SFMBT2: variants seen among roughly 807,000 people sequenced by gnomAD.
SFMBT2 encodes scm-like with four MBT domains protein 2.
A neutral mutation model predicts 110.1 loss-of-function variants in SFMBT2; 38 were observed. The observed-to-expected ratio is 0.35, with a 90% CI of 0.27 to 0.45. The LOEUF (loss-of-function observed/expected upper bound fraction) is 0.45. Among genes scored for constraint, SFMBT2 ranks in the 20% least tolerant of loss-of-function variants. The probability of loss-of-function intolerance (pLI) is 1.00; values close to 1 mark genes in which losing one functional copy is unlikely to be tolerated. For missense variants in SFMBT2, 1,011 were observed against 1,094.9 expected (o/e 0.92, Z 1.08); for synonymous variants, 425 against 425.4 (o/e 1.00, Z 0.01).
intron 1 of SFMBT2, among the ~76,000 whole-genome samples, chr10:7,404,579 A>T (rs1027790065): frequency 6.6e-6 from 1 of 152,240 alleles, no homozygotes; most frequent in Non-Finnish European, 1.5e-5. Context: ...AATGCTTAGG[A>T]AGCCCTGGAT....
chr10:7,342,394 G>GTTTTTTTT (rs1411169372), intron 4 of SFMBT2, among the ~76,000 whole-genome samples: 7 of 90,940 alleles, frequency 7.7e-5, no homozygotes, highest in Admixed American at 1.3e-4. Context: ...ACTGGAGTGA[G>GTTTTTTTT]TCTTTTTTTT....
chr10:7,370,006 G>A (rs539674329), intron 3 of SFMBT2, among the ~76,000 whole-genome samples: 3 of 152,156 alleles, frequency 2.0e-5, no homozygotes, highest in Admixed American at 6.5e-5. Flanking sequence ...GACTACAGGC[G>A]TGCACCACCA....
At chr10:7,292,870 G>C (rs1236761214) in intron 4 of SFMBT2, among the ~76,000 whole-genome samples, 1 of 152,050 alleles carries the variant, frequency 6.6e-6, no homozygotes, top group Non-Finnish European at 1.5e-5. Context: ...GCAGGTGCCT[G>C]TAGTACCAGC....
chr10:7,228,891 G>GA (rs1338199213), intron 9 of SFMBT2, among the ~76,000 whole-genome samples: 42 of 151,868 alleles, frequency 2.8e-4, no homozygotes, highest in African/African-American at 1.0e-3. Flanking sequence ...CGAGGTGAGA[G>GA]AAAAGAGGAC....
At chr10:7,329,417 G>GAGGGA in intron 4 of SFMBT2, 1 of 984,112 alleles carries the variant, frequency 1.0e-6, no homozygotes, top group Non-Finnish European at 1.2e-6. Context: ...CAGCACGGGT[G>GAGGGA]CTAAAGACAT....
chr10:7,164,791 A>ACACC (rs773552968), intron 20 of SFMBT2, among the ~76,000 whole-genome samples: 2,378 of 110,488 alleles, frequency 0.022, 78 homozygotes, highest in Middle Eastern at 0.045. Flanking sequence ...ACACACACAC[A>ACACC]CCATTTACAG....
intron 4 of SFMBT2, among the ~76,000 whole-genome samples, chr10:7,312,382 A>G (rs1001017223): frequency 3.9e-5 from 6 of 152,232 alleles, no homozygotes; most frequent in African/African-American, 1.4e-4. Flanking sequence ...TGATGAGTCC[A>G]GCAGACCATT....
intron 6 of SFMBT2, among the ~76,000 whole-genome samples, chr10:7,281,544 C>T (rs558300856): frequency 3.9e-5 from 6 of 152,266 alleles, no homozygotes; most frequent in African/African-American, 1.2e-4. Context: ...GGTGCTACCA[C>T]GTAAGTCACA....
At chr10:7,203,581 G>A in intron 12 of SFMBT2, 1 of 562,432 alleles carries the variant, frequency 1.8e-6, no homozygotes, top group Non-Finnish European at 2.3e-6. Flanking sequence ...GAAGAGGGGA[G>A]GAAGAGGATC....
At chr10:7,336,252 C>A (rs7909858) in intron 4 of SFMBT2, among the ~76,000 whole-genome samples, 63,249 of 152,006 alleles carry the variant, frequency 0.42, 14,317 homozygotes, top group African/African-American at 0.61. Flanking sequence ...CTAGGATTCT[C>A]TCTGGATACA....
intron 4 of SFMBT2, among the ~76,000 whole-genome samples, chr10:7,340,981 T>G (rs1843883828): frequency 6.6e-6 from 1 of 152,134 alleles, no homozygotes; most frequent in Admixed American, 6.5e-5. Flanking sequence ...CCAGGAGCAC[T>G]CTATAGAACC....
intron 4 of SFMBT2, among the ~76,000 whole-genome samples, chr10:7,335,763 CA>C (rs1168575397): frequency 6.6e-6 from 1 of 152,148 alleles, no homozygotes; most frequent in Non-Finnish European, 1.5e-5. Flanking sequence ...GTATCTCAGG[CA>C]AAAGACACTA....
intron 2 of SFMBT2, among the ~76,000 whole-genome samples, chr10:7,378,078 T>G (rs2132074292): frequency 1.3e-5 from 2 of 148,938 alleles, no homozygotes; most frequent in East Asian, 4.0e-4. Flanking sequence ...TGTGCATGTG[T>G]ATGTGGATGG....
chr10:7,187,082 A>G (rs1322094250), intron 16 of SFMBT2, among the ~76,000 whole-genome samples: 1 of 152,248 alleles, frequency 6.6e-6, no homozygotes, highest in East Asian at 1.9e-4. Flanking sequence ...TGGTAACATG[A>G]AAACTAGTGC....
intron 10 of SFMBT2, among the ~76,000 whole-genome samples, chr10:7,224,751 C>G (rs1839851840): frequency 6.6e-6 from 1 of 152,054 alleles, no homozygotes. Flanking sequence ...AAAATTTTCC[C>G]AAATTGCCAA....
chr10:7,227,040 G>A (rs1208663777), intron 10 of SFMBT2, among the ~76,000 whole-genome samples: 5 of 152,026 alleles, frequency 3.3e-5, no homozygotes, highest in East Asian at 1.9e-4. Flanking sequence ...GTAAGTACAC[G>A]CATGTGCACA....
intron 7 of SFMBT2, among the ~76,000 whole-genome samples, chr10:7,250,627 T>C (rs901441881): frequency 2.0e-5 from 3 of 152,198 alleles, no homozygotes; most frequent in African/African-American, 7.2e-5. Context: ...CTGGGTTGAA[T>C]GGTAGCTGTT....
intron 4 of SFMBT2, among the ~76,000 whole-genome samples, chr10:7,298,254 CCTT>C (rs1842460811): frequency 6.6e-6 from 1 of 152,214 alleles, no homozygotes; most frequent in Non-Finnish European, 1.5e-5. Context: ...TGCAGCTTCT[CCTT>C]CGAGTCTCGC....
chr10:7,190,134 A>G (rs192599124), intron 15 of SFMBT2, among the ~76,000 whole-genome samples: 1 of 152,256 alleles, frequency 6.6e-6, no homozygotes, highest in Admixed American at 6.5e-5. Flanking sequence ...GCCACCCACC[A>G]AGAGAATGTG....
Sources: allele counts gnomAD v4.1 joint callset (sites outside exome capture counted in the v4.1 genomes callset), GRCh38; gene constraint gnomAD v4.1.1; transcripts MANE v1.5; gene names NCBI Gene and HGNC (gene_info 2026-07-23, HGNC 2026-07-21).